SPTBN1: variants seen among roughly 807,000 people sequenced by gnomAD.
SPTBN1 encodes spectrin beta, non-erythrocytic 1.
A neutral mutation model predicts 266.4 loss-of-function variants in SPTBN1; 32 were observed. The observed-to-expected ratio is 0.12, with a 90% confidence interval of 0.09 to 0.16. SPTBN1 has a LOEUF of 0.16. Ranked by LOEUF, SPTBN1 falls within the 10% of genes least tolerant of loss-of-function variation. SPTBN1 has a pLI of 1.00. For missense variants in SPTBN1, 2,296 were observed against 3,067.1 expected (o/e 0.75, Z 5.94); for synonymous variants, 1,336 against 1,162.2 (o/e 1.15, Z -3.04).
chr2:54,593,855 CAG>C (rs1675857211), intron 2 of SPTBN1, among the ~76,000 whole-genome samples: 1 of 49,782 alleles, frequency 2.0e-5, no homozygotes, highest in Non-Finnish European at 4.5e-5. Flanking sequence ...TTTTTTGAGA[CAG>C]AGTCTTAACG....
rs1002879212 is a variant in SPTBN1 at position 54,518,547 on chromosome 2, C to G, written c.-47-7825C>G. On this transcript the variant is annotated intron_variant, in intron 1 of 35. Coordinates refer to ENST00000356805, the MANE Select transcript of SPTBN1 (RefSeq NM_003128.3). The stretch of plus-strand genomic sequence containing the variant: ...AGTTGAAGCAAAATTCTCAGACACA[C>G]GATTTGCAGTTTGGTGCCTTCAGAG... 2.0e-5 allele frequency among the ~76,000 whole-genome samples: 3 copies of G among 151,710 alleles called. No homozygotes were observed. In the East Asian group the frequency reaches 5.8e-4, roughly 29 times the overall value.
rs1680468520 is a variant in SPTBN1, at chr2:54,653,826, G to A, written c.5795G>A (p.Arg1932Gln). 6 of 1,612,898 alleles carry A rather than the reference G, an allele frequency of 3.7e-6. No individual in the cohort carries two copies. Among genetic ancestry groups the A allele is most frequent in the Non-Finnish European group, 5.1e-6 (6 of 1,179,764 alleles). The change falls in exon 27 of 36, where the codon CGG becomes CAG. Residue 1932 changes from arginine to glutamine, a missense_variant. By Grantham distance (43) the Arg-to-Gln change is conservative. This residue lies in a region of SPTBN1 where 644 missense variants were observed against 745.3 expected (regional missense o/e 0.86). Coordinates refer to ENST00000356805, the MANE Select transcript of SPTBN1 (RefSeq NM_003128.3). This position sits in a 1 kb window ranked among gnomAD's most constrained non-coding sequence, Gnocchi z 5.1. Reference sequence around the variant, plus strand: ...ATGCTCTGGATGGAGGATGTCATCCGGCAGATCGAGGCCCAGGAGAAGCCA... The same window carrying A: ...ATGCTCTGGATGGAGGATGTCATCCAGCAGATCGAGGCCCAGGAGAAGCCA... ...DLMLWMEDVI[R>Q]QIEAQEKPRD...
chr2:54,551,539 A>G (rs1672564863), intron 2 of SPTBN1, among the ~76,000 whole-genome samples: 1 of 152,234 alleles, frequency 6.6e-6, no homozygotes, highest in South Asian at 2.1e-4. Context: ...TTCATTCCCC[A>G]GGACCTTGGG....
chr2:54,532,221 G>A (rs1243226038), intron 2 of SPTBN1, among the ~76,000 whole-genome samples: 7 of 152,068 alleles, frequency 4.6e-5, no homozygotes, highest in East Asian at 1.9e-4. Context: ...CCTGGGAGGC[G>A]GAGGTTGCAG....
chr2:54,668,647 A>C lies in SPTBN1; in HGVS notation c.*78A>C. 1 of 1,267,172 alleles carries C rather than the reference A, an allele frequency of 7.9e-7. No homozygotes were observed. The highest frequency in any genetic ancestry group is 1.1e-6 in the Non-Finnish European group (1 of 932,036). 78.5% of individuals were successfully genotyped at this position (1,267,172 alleles called of 1,614,324 possible). ...CATGCAAGCTCAGAACCAACACATT[A>C]CTCTCTGTGCCTAATGTTCCTCAAT... is the stretch of plus-strand genomic sequence containing the variant. On this transcript the variant is annotated 3_prime_UTR_variant, in exon 36 of 36. Transcript: ENST00000356805.
Position 54,646,869 on chromosome 2 carries a change from C to T in SPTBN1, c.4867-262C>T, listed in dbSNP as rs1553351494. Among the ~76,000 whole-genome samples, 9 of 152,226 alleles carry T rather than the reference C, an allele frequency of 5.9e-5. No individual in the cohort carries two copies. On this transcript the variant is annotated intron_variant, in intron 23 of 35. Coordinates refer to ENST00000356805, the MANE Select transcript of SPTBN1 (RefSeq NM_003128.3). This position sits in a 1 kb window ranked among gnomAD's most constrained non-coding sequence, Gnocchi z 4.4. ...GAGGAATTCCAGCGAACCAGGCACA[C>T]TTGGTCTGCCCAAGCTTTTCTCTGA...
chr2:54,494,054 A>G (rs1668832998), intron 1 of SPTBN1, among the ~76,000 whole-genome samples: 1 of 152,222 alleles, frequency 6.6e-6, no homozygotes, highest in Non-Finnish European at 1.5e-5. Context: ...GAAAAATGCA[A>G]TTAATGGTGC....
intron 4 of SPTBN1, among the ~76,000 whole-genome samples, chr2:54,614,139 G>A (rs1677415855): frequency 6.6e-6 from 1 of 152,106 alleles, no homozygotes; most frequent in Admixed American, 6.5e-5. Flanking sequence ...ATGTTACCGC[G>A]TGGCCTGCAG....
chr2:54,491,097 G>C (rs1355351265), intron 1 of SPTBN1, among the ~76,000 whole-genome samples: 1 of 152,202 alleles, frequency 6.6e-6, no homozygotes, highest in East Asian at 1.9e-4. Context: ...AGGGAAACCA[G>C]TCAGGAAGTT....
chr2:54,669,422 A>C lies in SPTBN1; in HGVS notation c.*853A>C, dbSNP rs940342830. The C allele has an allele frequency of 8.5e-5, 13 of 152,650 alleles. No homozygotes were observed. The highest frequency in any genetic ancestry group is 2.9e-4 in the African/African-American group (12 of 41,460). 9.5% of individuals were successfully genotyped at this position (152,650 alleles called of 1,614,324 possible). ...TGGTTACTTGCTCGTGCGTTGCCAC[A>C]CTGTGTTATAATTTGCTTCATTTCC... On this transcript the variant is annotated 3_prime_UTR_variant, in exon 36 of 36. Coordinates refer to ENST00000356805, the MANE Select transcript of SPTBN1 (RefSeq NM_003128.3).
In SPTBN1 at chr2:54,653,560, G is replaced by T; in HGVS notation, c.5578-49G>T. ...CAGAATAGGGCTTGGGGTGATGGTG[G>T]GAAGGCCGCCATGGGCTGACCTGGC... On this transcript the variant is annotated intron_variant, in intron 26 of 35. Coordinates refer to ENST00000356805, the MANE Select transcript of SPTBN1 (RefSeq NM_003128.3). The surrounding 1 kb of genome is among the most constrained non-coding windows in gnomAD (Gnocchi z 5.1). 1 of 1,595,510 alleles carries T rather than the reference G, an allele frequency of 6.3e-7. No homozygotes were observed. The highest frequency in any genetic ancestry group is 8.5e-7 in the Non-Finnish European group (1 of 1,175,096).
Position 54,645,821 on chromosome 2 carries a change from C to G in SPTBN1, c.4495-107C>G, listed in dbSNP as rs1679891790. The G allele has an allele frequency of 1.6e-6, 2 of 1,237,104 alleles. No individual in the cohort carries two copies. Among genetic ancestry groups the G allele is most frequent in the Non-Finnish European group, 2.3e-6 (2 of 861,442 alleles). 76.6% of individuals were successfully genotyped at this position (1,237,104 alleles called of 1,614,324 possible). A position where few individuals can be genotyped will look rare whatever the true frequency, so the allele number is the denominator to read the frequency against. ...ACAGCCCTCCCGAGGGGGCTGAGCA[C>G]TCTCTGAAGCTCACCCTTGCTGTCC... is the stretch of plus-strand genomic sequence containing the variant. On this transcript the variant is annotated intron_variant, in intron 21 of 35. Coordinates refer to ENST00000356805, the MANE Select transcript of SPTBN1 (RefSeq NM_003128.3). This position sits in a 1 kb window ranked among gnomAD's most constrained non-coding sequence, Gnocchi z 4.3.
rs530865410 is a variant in SPTBN1, at chr2:54,670,761, T to G, written c.*2192T>G. ...TCAACAGTTCGCAGATCTGTAGTTA[T>G]GAAGCCAGGGTTTGGTGGTATTTGC... On this transcript the variant is annotated 3_prime_UTR_variant, in exon 36 of 36. Coordinates refer to ENST00000356805, the MANE Select transcript of SPTBN1 (RefSeq NM_003128.3). The G allele has an allele frequency of 7.5e-6, 3 of 398,476 alleles. No individual in the cohort carries two copies. The highest frequency in any genetic ancestry group is 1.3e-5 in the Non-Finnish European group (3 of 226,062). 24.7% of individuals were successfully genotyped at this position (398,476 alleles called of 1,614,324 possible).
At chr2:54,569,237 A>T (rs1378100367) in intron 2 of SPTBN1, among the ~76,000 whole-genome samples, 3 of 152,130 alleles carry the variant, frequency 2.0e-5, no homozygotes, top group Non-Finnish European at 4.4e-5. Flanking sequence ...AACCGTCCTG[A>T]TGGAAGGGTT....
Position 54,558,236 on chromosome 2 carries a change from C to A in SPTBN1, c.148+31670C>A. 1.0e-6 allele frequency: 1 copy of A among 983,904 alleles called. No homozygotes were observed. Among genetic ancestry groups the A allele is most frequent in the Non-Finnish European group, 1.2e-6 (1 of 828,874 alleles). The allele number at this position is 983,904 out of a possible 1,614,324, so 60.9% of individuals were successfully genotyped here. ...GGACCGTGCGGGACCGGTAGGGGGT[C>A]GCGGGCCGGCTAGGCTCCCCCGCGC... is the stretch of plus-strand genomic sequence containing the variant. On this transcript the variant is annotated intron_variant, in intron 2 of 35. Transcript: ENST00000356805. This position sits in a 1 kb window ranked among gnomAD's most constrained non-coding sequence, Gnocchi z 4.6.
intron 1 of SPTBN1, among the ~76,000 whole-genome samples, chr2:54,506,086 T>C (rs1167585462): frequency 6.6e-6 from 1 of 152,040 alleles, no homozygotes; most frequent in Non-Finnish European, 1.5e-5. Flanking sequence ...ATCGCGCCAC[T>C]GCACTCCAGC....
chr2:54,476,036 T>C (rs1459563261), intron 1 of SPTBN1, among the ~76,000 whole-genome samples: 5 of 152,200 alleles, frequency 3.3e-5, no homozygotes, highest in Admixed American at 2.0e-4. Context: ...TATATATAGG[T>C]TTATTTAAGA....
At chr2:54,489,242 G>A (rs978452231) in intron 1 of SPTBN1, among the ~76,000 whole-genome samples, 1 of 150,346 alleles carries the variant, frequency 6.7e-6, no homozygotes, top group Admixed American at 6.6e-5. Flanking sequence ...GATCACTTGA[G>A]CCCAGGAAGT....
At chr2:54,660,927 C>T (rs1034538127) in intron 32 of SPTBN1, 13 of 985,264 alleles carry the variant, frequency 1.3e-5, no homozygotes, top group South Asian at 4.7e-5. Context: ...TCCATTCAGC[C>T]GATGACTTCA....
Sources: gnomAD v4.1 joint callset for allele counts (sites outside exome capture counted in the v4.1 genomes callset) on GRCh38, gnomAD v4.1.1 for gene constraint, gnomAD v4.1.1 regional missense constraint, Gnocchi (gnomAD v3.1) non-coding constraint, MANE v1.5 for transcripts, NCBI Gene and HGNC (gene_info 2026-07-23, HGNC 2026-07-21) for gene names.